RREB1: variants seen among roughly 807,000 people sequenced by gnomAD.
RREB1 encodes the protein ras-responsive element-binding protein 1.
In RREB1, 27 loss-of-function variants were observed where a neutral mutation model predicts 117.8. That is an observed-to-expected ratio of 0.23 (90% CI 0.17 to 0.32). The LOEUF is 0.32. RREB1 is among the 10% of genes least tolerant of loss of function. The pLI, the probability that RREB1 is intolerant of heterozygous loss-of-function variation, is 1.00. For synonymous variants in RREB1, 1,298 were observed against 1,026.7 expected, an observed-to-expected ratio of 1.26 and a Z score of -5.05; for missense variants, 2,577 against 2,378.2, an observed-to-expected ratio of 1.08 and a Z score of -1.74.
chr6:7,141,111 C>T (rs1240580462), intron 1 of RREB1, among the ~76,000 whole-genome samples: 2 of 152,224 alleles, frequency 1.3e-5, no homozygotes, highest in African/African-American at 4.8e-5. Context: ...CGCGTCAGGG[C>T]TCCACGGCCG....
At chr6:7,190,127 C>T (rs1375877219) in intron 6 of RREB1, among the ~76,000 whole-genome samples, 4 of 152,118 alleles carry the variant, frequency 2.6e-5, no homozygotes, top group Admixed American at 2.6e-4. Context: ...CAGTTTATTA[C>T]ACGTACACAT....
intron 1 of RREB1, among the ~76,000 whole-genome samples, chr6:7,167,715 G>A (rs140474378): frequency 9.1e-4 from 139 of 152,340 alleles, no homozygotes; most frequent in African/African-American, 3.3e-3. Flanking sequence ...GCAGATGGGT[G>A]AATTGAGGAG....
intron 11 of RREB1, 152 bp from the exon 12 acceptor site, chr6:7,246,272 T>A: frequency 1.7e-6 from 1 of 599,452 alleles, no homozygotes; most frequent in Non-Finnish European, 2.7e-6. Context: ...CTGGGGGATG[T>A]AACAGGTGGT....
intron 6 of RREB1, among the ~76,000 whole-genome samples, chr6:7,203,102 G>A (rs1561778647): frequency 6.6e-6 from 1 of 152,180 alleles, no homozygotes; most frequent in Non-Finnish European, 1.5e-5. Flanking sequence ...ATCATGTCTA[G>A]AGTAAAAGAT....
intron 1 of RREB1, among the ~76,000 whole-genome samples, chr6:7,173,459 C>T (rs1170367888): frequency 6.6e-6 from 1 of 151,578 alleles, no homozygotes; most frequent in African/African-American, 2.4e-5. Flanking sequence ...CGTCACTGCA[C>T]TCCAGCCTGG....
At chr6:7,142,711 G>A (rs1762667459) in intron 1 of RREB1, among the ~76,000 whole-genome samples, 2 of 152,212 alleles carry the variant, frequency 1.3e-5, no homozygotes, top group African/African-American at 4.8e-5. Context: ...CCCAAGGCCG[G>A]GCAGGGAGGA....
At chr6:7,194,183 C>A (rs1346543568) in intron 6 of RREB1, among the ~76,000 whole-genome samples, 4 of 152,104 alleles carry the variant, frequency 2.6e-5, no homozygotes, top group African/African-American at 9.7e-5. Flanking sequence ...TAGCATAGCC[C>A]TTGGTACTAT....
At position 7,250,438 on chromosome 6, in the gene RREB1, C is replaced by T. The variant is rs1355505001; in HGVS notation, c.*1470C>T. 1.3e-5 allele frequency: 2 copies of T among 152,128 alleles called. No homozygotes were observed. Among genetic ancestry groups the T allele is most frequent in the African/African-American group, 2.4e-5 (1 of 41,416 alleles). The allele number at this position is 152,128 out of a possible 1,614,324, so 9.4% of individuals were successfully genotyped here. On this transcript the variant is annotated 3_prime_UTR_variant, in exon 13 of 13. Coordinates refer to ENST00000379938, the MANE Select transcript of RREB1 (RefSeq NM_001003699.4). ...AGGGTTATTTTTACCCATGAGCATC[C>T]TGTGCAGGCAATAGACTTCCCTCAC...
In RREB1 at chr6:7,230,166, C is replaced by T. The variant is rs1359810312; in HGVS notation, c.2067C>T (p.His689=). ...IAADKAALIR[H]LRTHSGERPY... ...CCGACAAGGCCGCGCTCATCCGCCACCTGCGCACGCACAGTGGGGAGCGGC... is the reference window on the plus strand; with the variant it reads ...CCGACAAGGCCGCGCTCATCCGCCATCTGCGCACGCACAGTGGGGAGCGGC... The change falls in exon 10 of 13, where the codon CAC becomes CAT. Residue 689 remains histidine (H), a synonymous_variant. Coordinates refer to ENST00000379938, the MANE Select transcript of RREB1 (RefSeq NM_001003699.4). 1.4e-5 allele frequency: 22 copies of T among 1,606,958 alleles called. No individual in the cohort carries two copies. Among genetic ancestry groups the T allele is most frequent in the African/African-American group, 1.3e-5 (1 of 75,062 alleles).
At chr6:7,183,199 T>TCC (rs1167497532) in intron 4 of RREB1, 6 of 152,204 alleles carry the variant, frequency 3.9e-5, no homozygotes, top group Admixed American at 3.9e-4. Context: ...ATTGATTCCT[T>TCC]TCTCTCTCTC....
At chr6:7,188,060 T>G (rs1019618558) in intron 5 of RREB1, among the ~76,000 whole-genome samples, 1 of 152,082 alleles carries the variant, frequency 6.6e-6, no homozygotes. Context: ...TCCCAGTTAC[T>G]TGGGAGGCTG....
At chr6:7,221,472 G>C (rs959009240) in intron 8 of RREB1, among the ~76,000 whole-genome samples, 1 of 152,220 alleles carries the variant, frequency 6.6e-6, no homozygotes, top group Non-Finnish European at 1.5e-5. Flanking sequence ...GCGCCCGGCC[G>C]CAAGTGTTTT....
chr6:7,144,753 C>T (rs908639261), intron 1 of RREB1, among the ~76,000 whole-genome samples: 2 of 152,130 alleles, frequency 1.3e-5, no homozygotes, highest in Non-Finnish European at 2.9e-5. Context: ...CCTTGCTTCT[C>T]CCAAGGAGAT....
chr6:7,231,430 GCCGCCACCA>G lies in RREB1; in HGVS notation c.3340_3348del (p.Thr1114_Thr1116del), dbSNP rs762818092. 6.9e-5 allele frequency: 112 copies of G among 1,613,102 alleles called. No homozygotes were observed. Among genetic ancestry groups the G allele is most frequent in the African/African-American group, 2.3e-4 (17 of 74,964 alleles). On this transcript the variant is annotated inframe_deletion, in exon 10 of 13. Coordinates refer to ENST00000379938, the MANE Select transcript of RREB1 (RefSeq NM_001003699.4). ...CAGCTTAGGAGGTTCTGTCCCCAAA[GCCGCCACCA>G]CCGCCACCCCCGCTGCCACCACCAG...
rs759848400 is a variant in RREB1 at position 7,231,360 on chromosome 6, G to A, written c.3261G>A (p.Ala1087=). Residue 1087 remains alanine (A), a synonymous_variant, in exon 10 of 13, where the codon GCG becomes GCA. Coordinates refer to ENST00000379938, the MANE Select transcript of RREB1 (RefSeq NM_001003699.4). ...CCACCCTGCTGAAAACCAAGGTGGC[G>A]GACCCAGGGCCCGCAAGCACTGGCA... ...SAPTLLKTKV[A]DPGPASTGSN... The A allele has an allele frequency of 2.2e-5, 36 of 1,612,872 alleles. No individual in the cohort carries two copies. The highest frequency in any genetic ancestry group is 2.2e-4 in the East Asian group (10 of 44,870).
chr6:7,235,057 A>G (rs1768236095), intron 10 of RREB1, among the ~76,000 whole-genome samples: 2 of 152,256 alleles, frequency 1.3e-5, no homozygotes, highest in Admixed American at 6.5e-5. Context: ...TGACTACAGA[A>G]TCGTGTTAGC....
At chr6:7,154,934 G>T (rs949254364) in intron 1 of RREB1, among the ~76,000 whole-genome samples, 4 of 152,154 alleles carry the variant, frequency 2.6e-5, no homozygotes, top group Admixed American at 1.3e-4. Flanking sequence ...GTTTACGTGT[G>T]GGGGGTGCTG....
At chr6:7,205,427 G>A (rs1766217353) in intron 6 of RREB1, among the ~76,000 whole-genome samples, 1 of 152,158 alleles carries the variant, frequency 6.6e-6, no homozygotes, top group South Asian at 2.1e-4. Context: ...TTACTAGGTG[G>A]CAGAACAGAG....
chr6:7,201,135 C>G (rs2113591211), intron 6 of RREB1, among the ~76,000 whole-genome samples: 1 of 152,220 alleles, frequency 6.6e-6, no homozygotes, highest in Admixed American at 6.5e-5. Flanking sequence ...GGCCTCTGCT[C>G]CGGAATGCAA....
Sources: gnomAD v4.1 joint callset for allele counts (sites outside exome capture counted in the v4.1 genomes callset) on GRCh38, gnomAD v4.1.1 for gene constraint, MANE v1.5 for transcripts, NCBI Gene and HGNC (gene_info 2026-07-23, HGNC 2026-07-21) for gene names.